GLYATL2: variants seen among roughly 807,000 people sequenced by gnomAD.
The protein encoded by GLYATL2 is glycine N-acyltransferase-like protein 2.
GLYATL2 carries 25 observed loss-of-function variants against 21.4 expected under a neutral mutation model. The ratio of observed to expected loss-of-function variants is 1.17; its 90% CI spans 0.85 to 1.63. The LOEUF is 1.63. GLYATL2 is among the 40% of genes most tolerant of loss of function. GLYATL2 has a pLI of 0.00. For synonymous variants in GLYATL2, 114 were observed against 118.2 expected, an observed-to-expected ratio of 0.96 and a Z score of 0.23; for missense variants, 361 against 343.3, an observed-to-expected ratio of 1.05 and a Z score of -0.41.
rs757547353 is a variant in GLYATL2, at chr11:58,894,171, C to T, written n.60+9985G>A. Among the ~76,000 whole-genome samples, 9 of 152,210 alleles carry T rather than the reference C, an allele frequency of 5.9e-5. 1 individual carries two copies. Among genetic ancestry groups the T allele is most frequent in the East Asian group, 3.9e-4 (2 of 5,170 alleles). On this transcript the variant is annotated intron_variant and non_coding_transcript_variant, in intron 1 of 4. Coordinates refer to the GLYATL2 transcript ENST00000533636. ...CCTGCAAGTATGGTTATAAGTTCAG[C>T]GCTTGGTGTTTGCAGCACTGCTATC...
chr11:58,838,035 G>T (rs1231848069), intron 3 of GLYATL2, among the ~76,000 whole-genome samples: 1 of 152,036 alleles, frequency 6.6e-6, no homozygotes, highest in African/African-American at 2.4e-5. Flanking sequence ...AGATTGACTG[G>T]GTGGAATCCT....
chr11:58,850,880 T>A (rs1230470787), intron 1 of GLYATL2, among the ~76,000 whole-genome samples: 1 of 152,206 alleles, frequency 6.6e-6, no homozygotes, highest in African/African-American at 2.4e-5. Context: ...TCAGCGGTCA[T>A]GCTCCTGTTT....
upstream of GLYATL2, among the ~76,000 whole-genome samples, chr11:58,906,513 C>T (rs1854891205): frequency 6.6e-6 from 1 of 152,020 alleles, no homozygotes; most frequent in Non-Finnish European, 1.5e-5. Flanking sequence ...TTTTAGGACT[C>T]CTAGGTGGAG....
intron 1 of GLYATL2, among the ~76,000 whole-genome samples, chr11:58,876,263 A>T (rs1002276151): frequency 2.0e-5 from 3 of 152,150 alleles, no homozygotes; most frequent in South Asian, 2.1e-4. Context: ...GAGTAGTTTG[A>T]TCTTCTGAAG....
At chr11:58,845,529 G>A (rs1159007081), upstream of GLYATL2, among the ~76,000 whole-genome samples, 1 of 152,114 alleles carries the variant, frequency 6.6e-6, no homozygotes, top group Non-Finnish European at 1.5e-5. Context: ...CGTGAGCCCA[G>A]AAACTTGAGA....
At chr11:58,843,134 T>C (rs1853582837) in intron 1 of GLYATL2, among the ~76,000 whole-genome samples, 1 of 152,278 alleles carries the variant, frequency 6.6e-6, no homozygotes, top group Middle Eastern at 3.4e-3. Flanking sequence ...CAATGTTAAG[T>C]GAGGACTAAT....
intron 1 of GLYATL2, among the ~76,000 whole-genome samples, chr11:58,903,697 A>T (rs1275912214): frequency 6.6e-6 from 1 of 152,088 alleles, no homozygotes; most frequent in Non-Finnish European, 1.5e-5. Flanking sequence ...AATAAAATAA[A>T]ATAATTCTCA....
intron 1 of GLYATL2, among the ~76,000 whole-genome samples, chr11:58,895,450 G>C (rs1854618527): frequency 6.6e-6 from 1 of 152,104 alleles, no homozygotes; most frequent in South Asian, 2.1e-4. Context: ...CACTTTTCTG[G>C]AACCTGGGAA....
chr11:58,843,025 G>A (rs548558410), intron 1 of GLYATL2, among the ~76,000 whole-genome samples: 38 of 152,268 alleles, frequency 2.5e-4, no homozygotes, highest in African/African-American at 8.4e-4. Context: ...GAAATATGCT[G>A]TAGGAACTTA....
At chr11:58,866,990 G>A (rs1416656799) in intron 1 of GLYATL2, among the ~76,000 whole-genome samples, 1 of 148,896 alleles carries the variant, frequency 6.7e-6, no homozygotes, top group African/African-American at 2.4e-5. Context: ...GATAATGAAG[G>A]ATATTGATAT....
upstream of GLYATL2, among the ~76,000 whole-genome samples, chr11:58,908,946 GA>G (rs553562492): frequency 1.9e-3 from 282 of 152,234 alleles, 2 homozygotes; most frequent in Non-Finnish European, 2.5e-3. Context: ...TTCCAAAAAA[GA>G]AACTGAAGCT....
upstream of GLYATL2, among the ~76,000 whole-genome samples, chr11:58,906,761 G>A (rs1006314413): frequency 6.6e-6 from 1 of 152,204 alleles, no homozygotes; most frequent in Non-Finnish European, 1.5e-5. Context: ...CTGTAAGCAA[G>A]CACAGCTGCA....
chr11:58,839,273 G>T (rs1361705248), intron 2 of GLYATL2, among the ~76,000 whole-genome samples: 1 of 152,136 alleles, frequency 6.6e-6, no homozygotes, highest in East Asian at 1.9e-4. Context: ...GTTAAGATTG[G>T]AGACAAGGAG....
chr11:58,895,595 C>G (rs1854621140), intron 1 of GLYATL2, among the ~76,000 whole-genome samples: 1 of 152,184 alleles, frequency 6.6e-6, no homozygotes, highest in Admixed American at 6.5e-5. Flanking sequence ...ATGATCATCA[C>G]CTATCAGGGG....
upstream of GLYATL2, among the ~76,000 whole-genome samples, chr11:58,906,004 C>T (rs1006918637): frequency 1.3e-5 from 2 of 152,184 alleles, no homozygotes; most frequent in African/African-American, 4.8e-5. Context: ...CTCTTCCAGG[C>T]GGGAAAAGTT....
chr11:58,867,035 G>A (rs1854034296), intron 1 of GLYATL2, among the ~76,000 whole-genome samples: 1 of 148,848 alleles, frequency 6.7e-6, no homozygotes, highest in South Asian at 2.1e-4. Context: ...GACACATTGT[G>A]AGAGTATGCA....
intron 1 of GLYATL2, among the ~76,000 whole-genome samples, chr11:58,855,250 G>T (rs1014903535): frequency 2.6e-5 from 4 of 152,128 alleles, no homozygotes; most frequent in Non-Finnish European, 2.9e-5. Flanking sequence ...GACTTGTAAA[G>T]TTGAAATTAC....
At chr11:58,837,517 TA>T in intron 3 of GLYATL2, 120 bp from the exon 4 acceptor site, 2 of 941,222 alleles carry the variant, frequency 2.1e-6, no homozygotes. Flanking sequence ...GAGACAGGTG[TA>T]GAAAATGGCC....
At chr11:58,876,468 G>T (rs550673270) in intron 1 of GLYATL2, among the ~76,000 whole-genome samples, 1 of 152,206 alleles carries the variant, frequency 6.6e-6, no homozygotes, top group Non-Finnish European at 1.5e-5. Flanking sequence ...TGGGTTTTTG[G>T]TGTGGATGTC....
Sources: allele counts gnomAD v4.1 joint callset (sites outside exome capture counted in the v4.1 genomes callset), GRCh38; gene constraint gnomAD v4.1.1; transcripts MANE v1.5; gene names NCBI Gene and HGNC (gene_info 2026-07-23, HGNC 2026-07-21).